Variants in STPG2 observed in about 807,000 individuals in gnomAD.
STPG2 encodes sperm tail PG-rich repeat containing 2.
A neutral mutation model predicts 54.2 loss-of-function variants in STPG2; 56 were observed. That is an observed-to-expected ratio of 1.03 (90% CI 0.83 to 1.29). STPG2 has a LOEUF of 1.29. Ranked by LOEUF, STPG2 falls within the 50% of genes most tolerant of loss-of-function variation. The pLI is 0.00. For missense variants in STPG2, 596 were observed against 544.9 expected (o/e 1.09, Z -0.93); for synonymous variants, 200 against 181.8 (o/e 1.10, Z -0.81).
At chr4:97,570,138 A>G (rs961036721) in intron 10 of STPG2, among the ~76,000 whole-genome samples, 3 of 152,108 alleles carry the variant, frequency 2.0e-5, no homozygotes, top group Admixed American at 2.0e-4. Flanking sequence ...ATGAAAACTA[A>G]ATGCAGTATA....
chr4:97,754,332 C>A (rs1560515065), intron 9 of STPG2, among the ~76,000 whole-genome samples: 1 of 152,086 alleles, frequency 6.6e-6, no homozygotes, highest in Non-Finnish European at 1.5e-5. Flanking sequence ...TATAATCTTT[C>A]CAAGGAAAAC....
intron 4 of STPG2, among the ~76,000 whole-genome samples, chr4:97,506,715 G>C (rs965086424): frequency 6.6e-6 from 1 of 151,810 alleles, no homozygotes; most frequent in Non-Finnish European, 1.5e-5. Flanking sequence ...TGTTATATTA[G>C]ACTCCAGTAA....
At chr4:97,800,688 A>G (rs1560533990) in intron 9 of STPG2, among the ~76,000 whole-genome samples, 1 of 152,122 alleles carries the variant, frequency 6.6e-6, no homozygotes, top group Non-Finnish European at 1.5e-5. Flanking sequence ...ATGCTGGGAG[A>G]ACCACTACTC....
At chr4:97,552,418 A>C (rs768088997) in intron 4 of STPG2, among the ~76,000 whole-genome samples, 1 of 152,018 alleles carries the variant, frequency 6.6e-6, no homozygotes, top group Non-Finnish European at 1.5e-5. Flanking sequence ...ACAGTAAGTA[A>C]TTTTTCTAGC....
chr4:97,805,149 A>G (rs1727515956), intron 9 of STPG2, among the ~76,000 whole-genome samples: 1 of 152,014 alleles, frequency 6.6e-6, no homozygotes, highest in African/African-American at 2.4e-5. Flanking sequence ...TTGAAACAGA[A>G]CTCCTCAAAA....
chr4:97,720,306 T>C (rs929900692), intron 9 of STPG2, among the ~76,000 whole-genome samples: 1 of 151,848 alleles, frequency 6.6e-6, no homozygotes, highest in African/African-American at 2.4e-5. Context: ...AGCTATAAAA[T>C]GAGTAAGGAT....
chr4:98,027,031 T>A (rs1171000203), intron 5 of STPG2, among the ~76,000 whole-genome samples: 1 of 152,220 alleles, frequency 6.6e-6, no homozygotes, highest in South Asian at 2.1e-4. Context: ...CTGGACCACA[T>A]GAGTCTGTCA....
chr4:97,503,641 T>A (rs1056040691), intron 4 of STPG2, among the ~76,000 whole-genome samples: 27 of 151,362 alleles, frequency 1.8e-4, no homozygotes, highest in Non-Finnish European at 3.2e-4. Context: ...TTTTATACTA[T>A]AAATTATAAT....
At chr4:97,762,475 A>C (rs1725917561) in intron 9 of STPG2, among the ~76,000 whole-genome samples, 1 of 152,132 alleles carries the variant, frequency 6.6e-6, no homozygotes, top group Non-Finnish European at 1.5e-5. Flanking sequence ...GCCTAACAGG[A>C]TGCTTCCTCC....
intron 9 of STPG2, among the ~76,000 whole-genome samples, chr4:97,802,618 C>T (rs1181563760): frequency 6.6e-6 from 1 of 151,942 alleles, no homozygotes; most frequent in Non-Finnish European, 1.5e-5. Flanking sequence ...TTACTGGCAC[C>T]CACCACCACA....
intron 5 of STPG2, among the ~76,000 whole-genome samples, chr4:97,997,777 A>G (rs1578767044): frequency 6.6e-6 from 1 of 152,134 alleles, no homozygotes; most frequent in African/African-American, 2.4e-5. Context: ...CAAATACTAC[A>G]TGTTCTCACT....
chr4:98,116,996 A>C (rs1377952909), intron 3 of STPG2, among the ~76,000 whole-genome samples: 2 of 151,996 alleles, frequency 1.3e-5, no homozygotes, highest in African/African-American at 4.8e-5. Context: ...AAAATCAAAA[A>C]TTAAATAATA....
intron 8 of STPG2, among the ~76,000 whole-genome samples, chr4:97,900,661 C>T (rs1235953142): frequency 1.3e-5 from 2 of 152,126 alleles, no homozygotes; most frequent in East Asian, 1.9e-4. Context: ...TCTTACCAAA[C>T]TAACACAGAA....
intron 10 of STPG2, among the ~76,000 whole-genome samples, chr4:97,563,234 G>A (rs929274244): frequency 1.3e-5 from 2 of 152,144 alleles, no homozygotes; most frequent in Admixed American, 6.5e-5. Flanking sequence ...TTGCATAGAG[G>A]TGTTTGTAGT....
chr4:97,739,565 A>G (rs1272927404), intron 9 of STPG2, among the ~76,000 whole-genome samples: 1 of 152,234 alleles, frequency 6.6e-6, no homozygotes, highest in African/African-American at 2.4e-5. Context: ...ACAAACTACC[A>G]TCAGAGAATA....
intron 10 of STPG2, among the ~76,000 whole-genome samples, chr4:97,632,796 C>T (rs946009005): frequency 2.0e-5 from 3 of 152,056 alleles, no homozygotes; most frequent in African/African-American, 7.2e-5. Context: ...TAATATGGTG[C>T]TAAAATGTTG....
chr4:97,852,027 T>A (rs975259037), intron 8 of STPG2, among the ~76,000 whole-genome samples: 21 of 152,202 alleles, frequency 1.4e-4, no homozygotes, highest in African/African-American at 4.8e-4. Flanking sequence ...TCTTTTGCAA[T>A]GTTGAATGTA....
At chr4:97,802,382 C>T (rs1257457970) in intron 9 of STPG2, among the ~76,000 whole-genome samples, 1 of 152,194 alleles carries the variant, frequency 6.6e-6, no homozygotes, top group Admixed American at 6.5e-5. Context: ...TGGTCTCCTT[C>T]AGTGTTTTCT....
At chr4:97,720,157 A>C (rs2149014833) in intron 9 of STPG2, among the ~76,000 whole-genome samples, 1 of 152,078 alleles carries the variant, frequency 6.6e-6, no homozygotes, top group South Asian at 2.1e-4. Flanking sequence ...TCTAGAATAA[A>C]TCTTAAACCT....
Sources: allele counts gnomAD v4.1 joint callset (sites outside exome capture counted in the v4.1 genomes callset), GRCh38; gene constraint gnomAD v4.1.1; transcripts MANE v1.5; gene names NCBI Gene and HGNC (gene_info 2026-07-23, HGNC 2026-07-21).